The following UBR3 variants were observed in gnomAD, a reference collection of about 807,000 sequenced individuals.
UBR3 encodes ubiquitin protein ligase E3 component n-recognin 3, also known as E3 ubiquitin-protein ligase UBR3.
Under a neutral mutation model 243.2 loss-of-function variants are expected in UBR3, and 85 were observed. The observed-to-expected ratio is 0.35, with a 90% CI of 0.29 to 0.42. The LOEUF (loss-of-function observed/expected upper bound fraction) is 0.42, where lower values mean the gene tolerates loss of function less well. Ranked by LOEUF, UBR3 falls within the 10% of genes least tolerant of loss-of-function variation. UBR3 has a pLI of 1.00. For synonymous variants in UBR3, 748 were observed against 799.8 expected, an observed-to-expected ratio of 0.94 and a Z score of 1.09; for missense variants, 1,686 against 2,300.8, an observed-to-expected ratio of 0.73 and a Z score of 5.47.
chr2:170,028,127 C>T (rs911237691), intron 30 of UBR3, among the ~76,000 whole-genome samples: 7 of 151,932 alleles, frequency 4.6e-5, no homozygotes, highest in African/African-American at 1.4e-4. Flanking sequence ...TTCCTCTGTT[C>T]GTTATAGAGA....
At chr2:170,013,275 A>G (rs555622151) in intron 29 of UBR3, among the ~76,000 whole-genome samples, 1 of 151,350 alleles carries the variant, frequency 6.6e-6, no homozygotes, top group African/African-American at 2.5e-5. Flanking sequence ...TATGAAACAA[A>G]GAAAAGTTGG....
chr2:169,894,326 A>G (rs1473494419), intron 6 of UBR3, among the ~76,000 whole-genome samples: 4 of 38,288 alleles, frequency 1.0e-4, no homozygotes, highest in Admixed American at 2.8e-4. Flanking sequence ...TCTTAAGAAA[A>G]AAAAAAAAAA....
chr2:169,888,109 C>CTTTATTTA (rs139609742), intron 5 of UBR3, among the ~76,000 whole-genome samples: 7,281 of 138,678 alleles, frequency 0.053, 290 homozygotes, highest in African/African-American at 0.099. Context: ...TGTGTTATGA[C>CTTTATTTA]TTTATTTATT....
At chr2:170,023,415 T>C (rs115923726) in intron 30 of UBR3, among the ~76,000 whole-genome samples, 98,159 of 148,520 alleles carry the variant, frequency 0.66, 32,565 homozygotes, top group East Asian at 0.83. Flanking sequence ...ATGAAAATTT[T>C]TTTTTTTTTT....
chr2:170,068,240 G>T (rs1372989444), intron 35 of UBR3, among the ~76,000 whole-genome samples: 1 of 152,134 alleles, frequency 6.6e-6, no homozygotes, highest in Non-Finnish European at 1.5e-5. Context: ...GGAGGCCAAG[G>T]CGGGCAGATC....
intron 32 of UBR3, among the ~76,000 whole-genome samples, chr2:170,044,155 G>C (rs550787177): frequency 6.6e-6 from 1 of 152,200 alleles, no homozygotes; most frequent in South Asian, 2.1e-4. Flanking sequence ...AGAGTTAATA[G>C]TGGTCTTTAT....
Position 169,875,803 on chromosome 2 carries a change from C to T in UBR3, c.698C>T (p.Pro233Leu). 1 of 1,522,950 alleles carries T rather than the reference C, an allele frequency of 6.6e-7. No individual in the cohort carries two copies. Among genetic ancestry groups the T allele is most frequent in the Non-Finnish European group, 8.8e-7 (1 of 1,137,950 alleles). 94.3% of individuals were successfully genotyped at this position (1,522,950 alleles called of 1,614,324 possible). ...EGYNEPAADG[P>L]SEKDLNKVLQ... ...TTTTTTCTTTTAGCAGCTGATGGACCATCAGAAAAGGACCTTAACAAAGTC... is the reference window on the plus strand; with the variant it reads ...TTTTTTCTTTTAGCAGCTGATGGACTATCAGAAAAGGACCTTAACAAAGTC... Residue 233 changes from proline to leucine, a missense_variant, in exon 3 of 39, where the codon CCA (proline) becomes CTA (leucine). Transcript: ENST00000272793.
chr2:169,827,625 A>G lies in UBR3; in HGVS notation c.118A>G (p.Ser40Gly). ...CGCCGCGCACCTCAAGGCGGCCCTC[A>G]GCCGGCCGGACAACCGCGCAGGTGC... Reference protein sequence around the residue: ...ATAAHLKAALSRPDNRAGAEE... With the variant: ...ATAAHLKAALGRPDNRAGAEE... The change falls in exon 1 of 39, where the codon AGC becomes GGC. Residue 40 changes from serine to glycine, a missense_variant. Physicochemically the swap from Ser to Gly is moderately conservative, Grantham distance 56 (BLOSUM62 0). Coordinates refer to ENST00000272793, the MANE Select transcript of UBR3 (RefSeq NM_172070.4). The G allele has an allele frequency of 7.9e-7, 1 of 1,267,664 alleles. No individual in the cohort carries two copies. Among genetic ancestry groups the G allele is most frequent in the Admixed American group, 3.5e-5 (1 of 28,414 alleles). 78.5% of individuals were successfully genotyped at this position (1,267,664 alleles called of 1,614,324 possible).
At chr2:170,058,723 C>T (rs2091395135) in intron 33 of UBR3, among the ~76,000 whole-genome samples, 1 of 151,974 alleles carries the variant, frequency 6.6e-6, no homozygotes, top group African/African-American at 2.4e-5. Context: ...GCTGTGTTGC[C>T]CAGGCTGGTC....
rs1266766644 is a variant in UBR3 at position 170,061,408 on chromosome 2, C to T, written c.4984C>T (p.His1662Tyr). The part of the protein sequence containing the change: ...PFLRITSLLQ[H>Y]HLFGEDLPSC... ...TCTCAGAATCACCAGCCTTCTTCAG[C>T]ACCACCTTTTTGGGGAAGATTTACC... The change falls in exon 35 of 39, where the codon CAC becomes TAC. Residue 1662 changes from histidine (H) to tyrosine (Y), a missense_variant. This residue lies in a region of UBR3 where 371 missense variants were observed against 422.5 expected (regional missense o/e 0.88). Coordinates refer to ENST00000272793, the MANE Select transcript of UBR3 (RefSeq NM_172070.4). The T allele has an allele frequency of 6.2e-7, 1 of 1,614,078 alleles. No individual in the cohort carries two copies. The highest frequency in any genetic ancestry group is 1.7e-5 in the Admixed American group (1 of 60,002).
At chr2:169,829,727 A>G (rs1007736014) in intron 1 of UBR3, among the ~76,000 whole-genome samples, 1 of 152,102 alleles carries the variant, frequency 6.6e-6, no homozygotes, top group Non-Finnish European at 1.5e-5. Flanking sequence ...CCCGGCCAAC[A>G]TTTGAGTTCT....
intron 37 of UBR3, 63 bp downstream of exon 37, chr2:170,080,086 C>G: frequency 7.0e-7 from 1 of 1,427,088 alleles, no homozygotes; most frequent in Non-Finnish European, 9.6e-7. Flanking sequence ...AAAATATGGT[C>G]AAGCCATCTC....
At chr2:170,023,103 C>A (rs1340316748) in intron 30 of UBR3, among the ~76,000 whole-genome samples, 1 of 151,972 alleles carries the variant, frequency 6.6e-6, no homozygotes, top group Non-Finnish European at 1.5e-5. Flanking sequence ...TTTTTCTCCA[C>A]CCCCATGATA....
chr2:169,995,864 C>G (rs929163942), intron 26 of UBR3, among the ~76,000 whole-genome samples: 1 of 152,052 alleles, frequency 6.6e-6, no homozygotes, highest in African/African-American at 2.4e-5. Flanking sequence ...TTCTGTATTC[C>G]TTTTGATGTT....
intron 29 of UBR3, chr2:170,014,385 CTCACTATTAGGG>C (rs971097804): frequency 7.0e-6 from 1 of 143,638 alleles, no homozygotes; most frequent in African/African-American, 2.6e-5. Context: ...GAGACAGTAT[CTCACTATTAGGG>C]TCAAATGCAT....
rs1176534024 is a variant in UBR3 at position 169,856,241 on chromosome 2, C to T, written c.546-15995C>T. ...GCTCCTCACATCCCAGATGGGGCGG[C>T]GGGGCAGAGGCTCTTCCCATATCCC... On this transcript the variant is annotated intron_variant, in intron 1 of 38. Transcript: ENST00000272793. 8.0e-5 allele frequency among the ~76,000 whole-genome samples: 12 copies of T among 149,160 alleles called. No individual in the cohort carries two copies. The South Asian group carries it at 1.1e-3, about 13-fold the overall frequency.
At chr2:169,904,974 A>T (rs1462870134) in intron 8 of UBR3, 140 bp from the exon 9 acceptor site, 4 of 533,642 alleles carry the variant, frequency 7.5e-6, no homozygotes, top group Non-Finnish European at 1.2e-5. Context: ...TATTGTGCCT[A>T]AAGCCATATA....
At chr2:170,057,200 C>T (rs1313308615) in intron 33 of UBR3, among the ~76,000 whole-genome samples, 1 of 151,392 alleles carries the variant, frequency 6.6e-6, no homozygotes, top group Non-Finnish European at 1.5e-5. Flanking sequence ...ACTGCAGCCT[C>T]AACCTCCTGG....
chr2:169,832,808 C>T (rs777614428), intron 1 of UBR3, among the ~76,000 whole-genome samples: 3 of 151,818 alleles, frequency 2.0e-5, no homozygotes, highest in Admixed American at 1.3e-4. Context: ...TGGTGCATGC[C>T]TGTAATCCCA....
Sources: allele counts gnomAD v4.1 joint callset (sites outside exome capture counted in the v4.1 genomes callset), GRCh38; gene constraint gnomAD v4.1.1; regional missense constraint gnomAD v4.1.1; transcripts MANE v1.5; gene names NCBI Gene and HGNC (gene_info 2026-07-23, HGNC 2026-07-21).